The following TRPS1 variants were observed in gnomAD, a reference collection of about 807,000 sequenced individuals.
The protein encoded by TRPS1 is transcriptional repressor GATA binding 1, also known as zinc finger transcription factor Trps1.
TRPS1 carries 6 observed loss-of-function variants against 101.2 expected under a neutral mutation model. The ratio of observed to expected loss-of-function variants is 0.06; its 90% CI spans 0.03 to 0.12. The LOEUF is 0.12. TRPS1 is among the 10% of genes least tolerant of loss of function. The probability of loss-of-function intolerance (pLI) is 1.00; values close to 1 mark genes in which losing one functional copy is unlikely to be tolerated. For synonymous variants in TRPS1, 578 were observed against 589.8 expected, an observed-to-expected ratio of 0.98 and a Z score of 0.29; for missense variants, 1,363 against 1,567.0, an observed-to-expected ratio of 0.87 and a Z score of 2.20.
At chr8:115,436,432 A>G (rs1813455869) in intron 5 of TRPS1, among the ~76,000 whole-genome samples, 1 of 152,200 alleles carries the variant, frequency 6.6e-6, no homozygotes, top group Non-Finnish European at 1.5e-5. Flanking sequence ...AATGTCCTCA[A>G]ATAGGGTCTT....
intron 5 of TRPS1, among the ~76,000 whole-genome samples, chr8:115,560,564 G>T (rs1268038298): frequency 6.6e-6 from 1 of 152,054 alleles, no homozygotes; most frequent in Non-Finnish European, 1.5e-5. Context: ...AAAGTTAAAA[G>T]AAACTTTTAA....
At chr8:115,648,778 T>G (rs1017008941) in intron 1 of TRPS1, among the ~76,000 whole-genome samples, 3 of 152,206 alleles carry the variant, frequency 2.0e-5, no homozygotes, top group Admixed American at 6.5e-5. Flanking sequence ...CTTAAAAATC[T>G]AACAGACACG....
intron 3 of TRPS1, among the ~76,000 whole-genome samples, chr8:115,608,710 C>A (rs777093983): frequency 3.3e-5 from 5 of 151,550 alleles, no homozygotes; most frequent in Non-Finnish European, 7.3e-5. Flanking sequence ...TGTTCCATAG[C>A]CTTCCTTGGC....
At chr8:115,642,752 A>AC (rs1391607738) in intron 1 of TRPS1, among the ~76,000 whole-genome samples, 2 of 151,478 alleles carry the variant, frequency 1.3e-5, no homozygotes, top group African/African-American at 4.8e-5. Flanking sequence ...CCCAGCAAAA[A>AC]CATTAGTAAG....
At position 115,418,943 on chromosome 8, in the gene TRPS1, C is replaced by T. The variant is rs903408805; in HGVS notation, c.2701-491G>A. ...TGTCATTCATGTAACGTAAGTATTACGAGAATATAAGACACTCAATTCTGG... is the reference window on the plus strand; with the variant it reads ...TGTCATTCATGTAACGTAAGTATTATGAGAATATAAGACACTCAATTCTGG... On this transcript the variant is annotated intron_variant, in intron 5 of 6. Transcript: ENST00000395715. This position sits in a 1 kb window ranked among gnomAD's most constrained non-coding sequence, Gnocchi z 4.3. Among the ~76,000 whole-genome samples, 2 of 152,076 alleles carry T rather than the reference C, an allele frequency of 1.3e-5. No individual in the cohort carries two copies. Among genetic ancestry groups the T allele is most frequent in the African/African-American group, 4.8e-5 (2 of 41,408 alleles).
chr8:115,549,894 G>A (rs1249154142), intron 5 of TRPS1, among the ~76,000 whole-genome samples: 3 of 152,058 alleles, frequency 2.0e-5, no homozygotes, highest in Non-Finnish European at 4.4e-5. Flanking sequence ...GTCTCTCCTT[G>A]CTCTATTAAA....
chr8:115,464,745 G>A (rs939622388), intron 5 of TRPS1, among the ~76,000 whole-genome samples: 1 of 151,972 alleles, frequency 6.6e-6, no homozygotes, highest in African/African-American at 2.4e-5. Context: ...AAAAAACTTC[G>A]ACTCTCTCTG....
At chr8:115,612,686 TTCTTTAA>T (rs1818197544) in intron 3 of TRPS1, among the ~76,000 whole-genome samples, 2 of 152,324 alleles carry the variant, frequency 1.3e-5, no homozygotes, top group East Asian at 3.9e-4. Context: ...GATGCAGGCA[TTCTTTAA>T]TCTTATATCA....
intron 5 of TRPS1, among the ~76,000 whole-genome samples, chr8:115,522,604 G>A (rs1001343539): frequency 2.0e-5 from 3 of 151,998 alleles, no homozygotes; most frequent in African/African-American, 7.2e-5. Flanking sequence ...AAAATAATGA[G>A]CCTGAAAGGA....
At chr8:115,560,997 A>G (rs1816933129) in intron 5 of TRPS1, among the ~76,000 whole-genome samples, 1 of 152,162 alleles carries the variant, frequency 6.6e-6, no homozygotes, top group Admixed American at 6.6e-5. Context: ...TCAAAGTACG[A>G]AAACCACAGC....
At chr8:115,581,349 G>A (rs997160995) in intron 5 of TRPS1, among the ~76,000 whole-genome samples, 1 of 152,076 alleles carries the variant, frequency 6.6e-6, no homozygotes, top group Non-Finnish European at 1.5e-5. Flanking sequence ...CTGTAGCACT[G>A]TAGGACGCCT....
At chr8:115,535,307 C>CATATATATAGCAT (rs374751360) in intron 5 of TRPS1, among the ~76,000 whole-genome samples, 48 of 132,414 alleles carry the variant, frequency 3.6e-4, no homozygotes, top group African/African-American at 1.1e-3. Flanking sequence ...ATATATATAG[C>CATATATATAGCAT]ATATATAGCA....
intron 1 of TRPS1, among the ~76,000 whole-genome samples, chr8:115,642,857 T>A (rs1255586971): frequency 5.0e-5 from 7 of 141,254 alleles, no homozygotes; most frequent in African/African-American, 7.9e-5. Flanking sequence ...AAAATATATA[T>A]ATATATAAAT....
chr8:115,537,069 C>G (rs1816341407), intron 5 of TRPS1, among the ~76,000 whole-genome samples: 1 of 152,032 alleles, frequency 6.6e-6, no homozygotes, highest in Non-Finnish European at 1.5e-5. Flanking sequence ...CTCTCCCTGT[C>G]TCTTCACTCT....
rs1032309025 is a variant in TRPS1, at chr8:115,414,680, C to T, written c.3228G>A (p.Glu1076=). 8.1e-6 allele frequency: 13 copies of T among 1,613,936 alleles called. No homozygotes were observed. The Admixed American group carries it at 2.2e-4, about 27-fold the overall frequency. ...SSVSEGKGSS[E]RGSPIEKYMR... ...TGTACTTTTCTATAGGACTGCCTCT[C>T]TCAGAACTTCCTTTCCCTTCAGATA... Residue 1076 remains glutamate, a synonymous_variant, in exon 7 of 7, where the codon GAG becomes GAA. Coordinates refer to ENST00000395715, the MANE Select transcript of TRPS1 (RefSeq NM_014112.5). The surrounding 1 kb of genome is among the most constrained non-coding windows in gnomAD (Gnocchi z 4.8).
chr8:115,520,873 A>C (rs1204780113), intron 5 of TRPS1, among the ~76,000 whole-genome samples: 3 of 151,654 alleles, frequency 2.0e-5, no homozygotes, highest in East Asian at 1.9e-4. Context: ...TTTCCATCTC[A>C]CTATTTTCCT....
chr8:115,432,050 A>G (rs1269734062), intron 5 of TRPS1, among the ~76,000 whole-genome samples: 7 of 151,874 alleles, frequency 4.6e-5, no homozygotes, highest in African/African-American at 1.4e-4. Context: ...AGTTTAATAT[A>G]TTTAAAAAAT....
intron 5 of TRPS1, among the ~76,000 whole-genome samples, chr8:115,471,717 C>T (rs1191857681): frequency 6.6e-6 from 1 of 152,200 alleles, no homozygotes; most frequent in East Asian, 1.9e-4. Flanking sequence ...TAGTTACTTC[C>T]TAGATACAAT....
chr8:115,488,486 C>T (rs1342725323), intron 5 of TRPS1, among the ~76,000 whole-genome samples: 19 of 151,992 alleles, frequency 1.3e-4, no homozygotes, highest in African/African-American at 4.4e-4. Context: ...GTCAAGAGAT[C>T]GAGACCATCC....
Sources: gnomAD v4.1 joint callset for allele counts (sites outside exome capture counted in the v4.1 genomes callset) on GRCh38, gnomAD v4.1.1 for gene constraint, Gnocchi (gnomAD v3.1) non-coding constraint, MANE v1.5 for transcripts, NCBI Gene and HGNC (gene_info 2026-07-23, HGNC 2026-07-21) for gene names.